The following NKAIN2 variants were observed in gnomAD, a reference collection of about 807,000 sequenced individuals.
NKAIN2 encodes sodium/potassium-transporting ATPase subunit beta-1-interacting protein 2.
Under a neutral mutation model 32.6 loss-of-function variants are expected in NKAIN2, and 14 were observed. That is an observed-to-expected ratio of 0.43 (90% CI 0.28 to 0.67). The LOEUF is 0.67. Ranked by LOEUF, NKAIN2 falls within the 30% of genes least tolerant of loss-of-function variation. The probability of loss-of-function intolerance (pLI) is 0.17; values close to 1 mark genes in which losing one functional copy is unlikely to be tolerated. For synonymous variants in NKAIN2, 80 were observed against 87.2 expected, an observed-to-expected ratio of 0.92 and a Z score of 0.46; for missense variants, 198 against 258.3, an observed-to-expected ratio of 0.77 and a Z score of 1.60.
intron 1 of NKAIN2, among the ~76,000 whole-genome samples, chr6:124,242,807 A>G (rs559223158): frequency 8.1e-5 from 12 of 147,802 alleles, no homozygotes; most frequent in African/African-American, 3.0e-4. Flanking sequence ...TAAACACTGC[A>G]TGTTCTCACT....
At chr6:123,859,750 G>A (rs1037641638) in intron 1 of NKAIN2, among the ~76,000 whole-genome samples, 1 of 152,198 alleles carries the variant, frequency 6.6e-6, no homozygotes, top group Non-Finnish European at 1.5e-5. Flanking sequence ...TAGTGCAGTG[G>A]CACGATCTTG....
At chr6:124,624,722 A>G (rs1783238516) in intron 3 of NKAIN2, among the ~76,000 whole-genome samples, 1 of 152,192 alleles carries the variant, frequency 6.6e-6, no homozygotes, top group Admixed American at 6.5e-5. Flanking sequence ...GTTCTCAAGA[A>G]GTTTAAGAAC....
At chr6:124,194,108 G>T (rs1345848062) in intron 1 of NKAIN2, among the ~76,000 whole-genome samples, 2 of 151,938 alleles carry the variant, frequency 1.3e-5, no homozygotes, top group Admixed American at 1.3e-4. Flanking sequence ...GGGTGGCCAT[G>T]GGTGGGCCCA....
chr6:124,290,526 G>GTT (rs1485595334), intron 2 of NKAIN2, among the ~76,000 whole-genome samples: 3 of 150,484 alleles, frequency 2.0e-5, no homozygotes, highest in African/African-American at 7.4e-5. Flanking sequence ...GTGTGTGTGT[G>GTT]TGTGTGTGTG....
intron 1 of NKAIN2, among the ~76,000 whole-genome samples, chr6:124,195,543 G>A (rs535806031): frequency 2.0e-4 from 31 of 152,216 alleles, no homozygotes; most frequent in African/African-American, 7.5e-4. Context: ...TCTCATTTGT[G>A]TATGAGTAAA....
At chr6:124,116,473 A>T (rs1785622599) in intron 1 of NKAIN2, among the ~76,000 whole-genome samples, 1 of 152,146 alleles carries the variant, frequency 6.6e-6, no homozygotes, top group Admixed American at 6.6e-5. Context: ...TATGGTAATA[A>T]TTCTTTATCA....
chr6:124,649,438 C>A (rs1784288790), intron 3 of NKAIN2, among the ~76,000 whole-genome samples: 1 of 152,068 alleles, frequency 6.6e-6, no homozygotes, highest in Non-Finnish European at 1.5e-5. Context: ...ATTGAATAGG[C>A]TTTTATCTAT....
chr6:124,818,499 G>T (rs1472936043), intron 6 of NKAIN2, 31 bp downstream of exon 6: 1 of 1,056,190 alleles, frequency 9.5e-7, no homozygotes, highest in African/African-American at 1.6e-5. Context: ...GTACTCTTCT[G>T]GGGTACTAAA....
intron 1 of NKAIN2, among the ~76,000 whole-genome samples, chr6:124,197,345 A>G (rs34267350): frequency 1.3e-3 from 192 of 151,244 alleles, no homozygotes; most frequent in Non-Finnish European, 1.9e-3. Flanking sequence ...CCAGCCTTAT[A>G]TGGCTTTGTA....
rs190775943 is a variant in NKAIN2, at chr6:124,557,333, A to T, written c.274-100853A>T. ...AAAAGTAGAGATTTTTCTAAAGATG[A>T]CTTGCCTTTCCCTAAAAAAAAACTC... On this transcript the variant is annotated intron_variant, in intron 3 of 6. Transcript: ENST00000368417. Among the ~76,000 whole-genome samples the T allele has an allele frequency of 6.3e-4, 96 of 152,292 alleles. 1 individual carries two copies. The highest frequency in any genetic ancestry group is 4.4e-3 in the Admixed American group (67 of 15,300).
chr6:124,052,053 G>A (rs918005433), intron 1 of NKAIN2, among the ~76,000 whole-genome samples: 4 of 151,996 alleles, frequency 2.6e-5, no homozygotes, highest in African/African-American at 9.7e-5. Context: ...TATTGAAAAT[G>A]CAGCAATATC....
chr6:124,284,153 A>C (rs1303845254), intron 2 of NKAIN2, among the ~76,000 whole-genome samples: 1 of 152,244 alleles, frequency 6.6e-6, no homozygotes, highest in African/African-American at 2.4e-5. Flanking sequence ...CCTCCAGTGC[A>C]TGTCACTGCA....
At chr6:124,591,103 CT>C (rs1444199903) in intron 3 of NKAIN2, among the ~76,000 whole-genome samples, 19 of 152,234 alleles carry the variant, frequency 1.2e-4, no homozygotes, top group Non-Finnish European at 2.4e-4. Flanking sequence ...CATATGCCAA[CT>C]TCCCTTGTGA....
chr6:124,662,414 A>G (rs890218941), intron 4 of NKAIN2, among the ~76,000 whole-genome samples: 5 of 152,136 alleles, frequency 3.3e-5, no homozygotes, highest in Non-Finnish European at 7.4e-5. Context: ...AAAAGGTTCT[A>G]ATATCTGGTA....
chr6:124,625,963 T>TTTAAG (rs763591847), intron 3 of NKAIN2, among the ~76,000 whole-genome samples: 9 of 147,074 alleles, frequency 6.1e-5, no homozygotes, highest in Admixed American at 1.3e-4. Flanking sequence ...ATTATTATAC[T>TTTAAG]TTAAGTTTTA....
chr6:124,650,759 A>T (rs868365753), intron 3 of NKAIN2, among the ~76,000 whole-genome samples: 1 of 152,166 alleles, frequency 6.6e-6, no homozygotes, highest in Admixed American at 6.5e-5. Context: ...TTGGGGTGAC[A>T]TACTCAAACC....
intron 3 of NKAIN2, among the ~76,000 whole-genome samples, chr6:124,396,291 G>C (rs906477550): frequency 1.3e-5 from 2 of 151,348 alleles, no homozygotes; most frequent in African/African-American, 4.8e-5. Context: ...AATATGAAAG[G>C]GGGAAAGATA....
chr6:124,274,714 G>C (rs911138761), intron 1 of NKAIN2, among the ~76,000 whole-genome samples: 1 of 151,902 alleles, frequency 6.6e-6, no homozygotes, highest in Non-Finnish European at 1.5e-5. Context: ...ATTTATTGTA[G>C]TGTACAGAAT....
intron 4 of NKAIN2, among the ~76,000 whole-genome samples, chr6:124,752,575 A>C (rs1307526407): frequency 6.6e-6 from 1 of 151,670 alleles, no homozygotes. Context: ...ACATGCCTGC[A>C]TGTTTGGGGA....
Sources: gnomAD v4.1 joint callset for allele counts (sites outside exome capture counted in the v4.1 genomes callset) on GRCh38, gnomAD v4.1.1 for gene constraint, MANE v1.5 for transcripts, NCBI Gene and HGNC (gene_info 2026-07-23, HGNC 2026-07-21) for gene names.